Variants in MYL5 observed in about 807,000 individuals in gnomAD.
The protein encoded by MYL5 is myosin light chain 5, also known as myosin regulatory light chain 5.
In MYL5, 28 loss-of-function variants were observed where a neutral mutation model predicts 20.8. The ratio of observed to expected loss-of-function variants is 1.35; its 90% CI spans 1.00 to 1.84. The LOEUF (loss-of-function observed/expected upper bound fraction) is 1.84, where lower values mean the gene tolerates loss of function less well. Among genes scored for constraint, MYL5 ranks in the 40% most tolerant of loss-of-function variants. The pLI is 0.00. For missense variants in MYL5, 274 were observed against 227.3 expected, an observed-to-expected ratio of 1.21 and a Z score of -1.32; for synonymous variants, 118 against 87.4, an observed-to-expected ratio of 1.35 and a Z score of -1.95.
rs545981600 is a variant in MYL5 at position 680,601 on chromosome 4, C to G, written c.371+14C>G. ...CAACAAGGAGTAGTGAGTGCCCGGG[C>G]GGCCAGGGCGGCCCGGCTTCCGGGG... On this transcript the variant is annotated intron_variant, in intron 5 of 6. Coordinates refer to ENST00000400159, the Ensembl canonical transcript of MYL5. 16 of 1,608,852 alleles carry G rather than the reference C, an allele frequency of 9.9e-6. No individual in the cohort carries two copies. The highest frequency in any genetic ancestry group is 1.7e-5 in the Admixed American group (1 of 59,364).
At chr4:679,189 G>T in intron 3 of MYL5, 156 bp downstream of exon 5, 1 of 784,634 alleles carries the variant, frequency 1.3e-6, no homozygotes, top group Non-Finnish European at 2.2e-6. Flanking sequence ...GGCCCTGGCC[G>T]CCCTTGGTTC....
upstream of MYL5, chr4:677,054 C>T: frequency 2.5e-6 from 1 of 394,032 alleles, no homozygotes. Context: ...CCAGGGATCC[C>T]ACCTGCTGTT....
At chr4:679,080 A>G in intron 3 of MYL5, 47 bp downstream of exon 5, 2 of 1,477,072 alleles carry the variant, frequency 1.4e-6, no homozygotes, top group Non-Finnish European at 1.8e-6. Flanking sequence ...GGAGGCGAAC[A>G]CAGAGGTCCT....
intron 6 of MYL5, 75 bp from the exon 9 acceptor site, chr4:681,817 AC>A: frequency 1.6e-6 from 2 of 1,253,402 alleles, no homozygotes; most frequent in East Asian, 6.2e-5. Context: ...CAGAAACCAC[AC>A]CCGGGGCCGC....
chr4:676,958 C>G (rs1417380059), upstream of MYL5: 1 of 984,166 alleles, frequency 1.0e-6, no homozygotes, highest in Non-Finnish European at 1.2e-6. Flanking sequence ...CAACTGTGAC[C>G]ATGTGTCCCT....
At chr4:679,025 C>A in exon 3 of MYL5, 1 of 1,613,644 alleles carries the variant, frequency 6.2e-7, no homozygotes, top group Non-Finnish European at 8.5e-7. Context: ...GACACCTATG[C>A]CTCCCTGGGT....
At chr4:678,827 A>T (rs1739127306) in intron 2 of MYL5, 62 bp downstream of exon 4, 3 of 1,607,600 alleles carry the variant, frequency 1.9e-6, no homozygotes, top group African/African-American at 2.7e-5. Context: ...GGAAGACCCC[A>T]TGTGGGCTGG....
upstream of MYL5, chr4:676,789 C>A: frequency 1.3e-6 from 1 of 775,108 alleles, no homozygotes; most frequent in Non-Finnish European, 1.6e-6. Context: ...GCCCTTGCTC[C>A]CAGCCCCAGG....
At chr4:678,391 G>C (rs545728379) in intron 1 of MYL5, 11 of 1,414,894 alleles carry the variant, frequency 7.8e-6, no homozygotes, top group African/African-American at 2.9e-5. Flanking sequence ...GCTGGACGGC[G>C]ATCCCTGACC....
intron 1 of MYL5, 129 bp from the exon 4 acceptor site, chr4:678,529 G>GC: frequency 6.8e-7 from 1 of 1,461,180 alleles, no homozygotes; most frequent in Non-Finnish European, 9.0e-7. Context: ...CTCCTCAGCT[G>GC]TCTGGCCCCC....
intron 6 of MYL5, 43 bp from the exon 9 acceptor site, chr4:681,850 C>A (rs768963209): frequency 3.1e-6 from 4 of 1,301,148 alleles, no homozygotes; most frequent in Admixed American, 3.2e-5. Context: ...GCTTGTAATT[C>A]GCTCCCGGAG....
intron 6 of MYL5, among the ~76,000 whole-genome samples, chr4:681,442 C>T (rs1362373954): frequency 1.3e-5 from 2 of 150,832 alleles, no homozygotes; most frequent in Admixed American, 6.6e-5. Context: ...AGCCGCCCCC[C>T]ACCCCCGACG....
upstream of MYL5, chr4:676,785 G>A (rs551232879): frequency 4.3e-6 from 3 of 701,780 alleles, no homozygotes; most frequent in East Asian, 4.0e-4. Flanking sequence ...CCTGGCCCTT[G>A]CTCCCAGCCC....
At chr4:681,512 C>A (rs1251489162) in intron 6 of MYL5, among the ~76,000 whole-genome samples, 1 of 150,098 alleles carries the variant, frequency 6.7e-6, no homozygotes, top group Non-Finnish European at 1.5e-5. Flanking sequence ...GACCCCCGCA[C>A]CTCCCCCAGA....
At chr4:678,718 A>G (rs370216048) in exon 2 of MYL5, 1 of 1,612,370 alleles carries the variant, frequency 6.2e-7, no homozygotes. Flanking sequence ...AGCCTCATCC[A>G]ATGTCTTCTC....
At chr4:679,269 G>A in intron 3 of MYL5, 1 of 636,224 alleles carries the variant, frequency 1.6e-6, no homozygotes, top group Non-Finnish European at 2.8e-6. Flanking sequence ...TGGAAACTCA[G>A]AGTGGGCTTT....
upstream of MYL5, chr4:677,009 C>T (rs907234761): frequency 8.0e-5 from 69 of 864,160 alleles, no homozygotes; most frequent in Non-Finnish European, 8.9e-5. Context: ...GCAAGTGGCA[C>T]CTGTCTTTTT....
At chr4:676,881 C>T (rs1355812971), upstream of MYL5, 3 of 985,236 alleles carry the variant, frequency 3.0e-6, no homozygotes, top group Non-Finnish European at 3.6e-6. Flanking sequence ...TCCTCAACCT[C>T]AGGAGTCAGT....
intron 5 of MYL5, chr4:680,891 T>A (rs559405944): frequency 1.5e-6 from 1 of 669,242 alleles, no homozygotes. Flanking sequence ...CTTCCGGCTC[T>A]GTCCCCATCA....
Sources: allele counts gnomAD v4.1 joint callset (sites outside exome capture counted in the v4.1 genomes callset), GRCh38; gene constraint gnomAD v4.1.1; transcripts MANE v1.5; gene names NCBI Gene and HGNC (gene_info 2026-07-23, HGNC 2026-07-21).